FSHR: variants seen among roughly 807,000 people sequenced by gnomAD.
FSHR encodes follicle stimulating hormone receptor.
A neutral mutation model predicts 52.1 loss-of-function variants in FSHR; 46 were observed. The ratio of observed to expected loss-of-function variants is 0.88; its 90% confidence interval spans 0.70 to 1.13. The LOEUF (loss-of-function observed/expected upper bound fraction) is 1.13. Ranked by LOEUF, FSHR falls within the 50% of genes most tolerant of loss-of-function variation. The probability of loss-of-function intolerance (pLI) is 0.00; values close to 1 mark genes in which losing one functional copy is unlikely to be tolerated. For synonymous variants in FSHR, 399 were observed against 309.6 expected, an observed-to-expected ratio of 1.29 and a Z score of -3.03; for missense variants, 964 against 834.6, an observed-to-expected ratio of 1.16 and a Z score of -1.91.
intron 1 of FSHR, among the ~76,000 whole-genome samples, chr2:49,074,966 A>G (rs1342417726): frequency 6.6e-6 from 1 of 152,140 alleles, no homozygotes; most frequent in Non-Finnish European, 1.5e-5. Context: ...ATTATCACTA[A>G]TATATGGAAG....
chr2:48,965,027 T>C lies in FSHR; in HGVS notation c.855-1061A>G, dbSNP rs919902440. On this transcript the variant is annotated intron_variant, in intron 9 of 9. Transcript: ENST00000406846. ...AAAAAAAATTGTACATACACATGCA[T>C]ACCTTTCCCTCCTTCCCCAAGGGGC... is the stretch of plus-strand genomic sequence containing the variant. Among the ~76,000 whole-genome samples, 4 of 152,004 alleles carry C rather than the reference T, an allele frequency of 2.6e-5. No individual in the cohort carries two copies. The East Asian group carries it at 7.7e-4, about 29-fold the overall frequency.
intron 4 of FSHR, among the ~76,000 whole-genome samples, chr2:49,006,633 C>T (rs1198600318): frequency 6.6e-6 from 1 of 152,144 alleles, no homozygotes; most frequent in Non-Finnish European, 1.5e-5. Context: ...AAGCCCACAA[C>T]AAGCTTTCCC....
chr2:49,031,523 G>A (rs1668102632), intron 2 of FSHR, among the ~76,000 whole-genome samples: 1 of 152,122 alleles, frequency 6.6e-6, no homozygotes. Context: ...TAATTACATG[G>A]CTAATTAATA....
At chr2:49,075,565 G>A (rs947843015) in intron 1 of FSHR, among the ~76,000 whole-genome samples, 5 of 152,004 alleles carry the variant, frequency 3.3e-5, no homozygotes, top group Non-Finnish European at 5.9e-5. Flanking sequence ...TTAGAGGCAT[G>A]AAAGATGGCA....
Position 49,073,809 on chromosome 2 carries a change from C to A in FSHR, c.153-5519G>T, listed in dbSNP as rs1175083004. Among the ~76,000 whole-genome samples, 4 of 151,946 alleles carry A rather than the reference C, an allele frequency of 2.6e-5. No individual in the cohort carries two copies. The South Asian group carries it at 6.2e-4, about 24-fold the overall frequency. ...AAATATACTACAAAGCTATAGTAAC[C>A]AAAACAACAAGGTATTGGCATGAAA... is the stretch of plus-strand genomic sequence containing the variant. On this transcript the variant is annotated intron_variant, in intron 1 of 9. Transcript: ENST00000406846.
At chr2:48,979,928 C>T (rs2300438) in intron 8 of FSHR, among the ~76,000 whole-genome samples, 17,479 of 152,154 alleles carry the variant, frequency 0.11, 1,254 homozygotes, top group East Asian at 0.28. Context: ...CTACTCTTAC[C>T]TCTTAACTCA....
chr2:49,123,137 A>T (rs775361484), intron 1 of FSHR, among the ~76,000 whole-genome samples: 12 of 152,138 alleles, frequency 7.9e-5, no homozygotes, highest in Non-Finnish European at 1.3e-4. Context: ...TATTTTCCCT[A>T]TCAGGTCTAT....
intron 4 of FSHR, among the ~76,000 whole-genome samples, chr2:49,007,761 T>C (rs1302371511): frequency 6.6e-6 from 1 of 152,102 alleles, no homozygotes; most frequent in East Asian, 1.9e-4. Context: ...ATCATCATGA[T>C]CATCATCAAA....
chr2:49,131,549 A>G (rs1408755413), intron 1 of FSHR, among the ~76,000 whole-genome samples: 2 of 152,164 alleles, frequency 1.3e-5, no homozygotes, highest in Non-Finnish European at 2.9e-5. Flanking sequence ...TTACGTCACT[A>G]AGTTTCTCTG....
chr2:49,070,420 C>A lies in FSHR; in HGVS notation c.153-2130G>T, dbSNP rs185072998. ...CCCTACCTTAATTGTACTCACTTAA[C>A]CTTAGTTAATACATACAAGTTCCTT... On this transcript the variant is annotated intron_variant, in intron 1 of 9. Coordinates refer to ENST00000406846, the MANE Select transcript of FSHR (RefSeq NM_000145.4). Among the ~76,000 whole-genome samples the A allele has an allele frequency of 2.1e-3, 319 of 152,190 alleles. 1 individual carries two copies. Among genetic ancestry groups the A allele is most frequent in the Middle Eastern group, 0.02 (6 of 294 alleles).
At chr2:49,077,197 T>G (rs538412160) in intron 1 of FSHR, among the ~76,000 whole-genome samples, 1 of 152,364 alleles carries the variant, frequency 6.6e-6, no homozygotes, top group African/African-American at 2.4e-5. Flanking sequence ...TCCAGGTGTT[T>G]CCATACATCT....
chr2:49,026,128 A>G (rs1667903931), intron 2 of FSHR, among the ~76,000 whole-genome samples: 1 of 152,186 alleles, frequency 6.6e-6, no homozygotes, highest in Admixed American at 6.5e-5. Flanking sequence ...GAGTCATCCT[A>G]CAGATATCCC....
chr2:49,014,366 C>G (rs558120461), intron 4 of FSHR, among the ~76,000 whole-genome samples: 1 of 152,100 alleles, frequency 6.6e-6, no homozygotes, highest in African/African-American at 2.4e-5. Context: ...CTGAGGACTA[C>G]TCAACACCCC....
intron 1 of FSHR, among the ~76,000 whole-genome samples, chr2:49,122,563 T>C (rs1671856341): frequency 6.6e-6 from 1 of 152,214 alleles, no homozygotes; most frequent in African/African-American, 2.4e-5. Context: ...GTATACCTCA[T>C]GACTAACCAT....
chr2:48,983,437 C>G (rs1475077348), intron 6 of FSHR, among the ~76,000 whole-genome samples: 1 of 152,136 alleles, frequency 6.6e-6, no homozygotes, highest in Non-Finnish European at 1.5e-5. Flanking sequence ...GGCAGAGCAG[C>G]CTGGATTCTA....
intron 2 of FSHR, among the ~76,000 whole-genome samples, chr2:49,064,027 A>C (rs1161215309): frequency 1.3e-5 from 2 of 151,516 alleles, no homozygotes; most frequent in Non-Finnish European, 2.9e-5. Context: ...AAAACTGTGG[A>C]ACAAGAACAA....
chr2:49,019,369 A>G (rs1048771185), intron 3 of FSHR, among the ~76,000 whole-genome samples: 1 of 152,224 alleles, frequency 6.6e-6, no homozygotes, highest in Non-Finnish European at 1.5e-5. Context: ...CAGTCTCTAA[A>G]GTCTCTTCTG....
intron 1 of FSHR, among the ~76,000 whole-genome samples, chr2:49,078,618 A>T (rs1670042738): frequency 7.0e-6 from 1 of 142,006 alleles, no homozygotes. Context: ...TCATATAAAT[A>T]AATTAAAAGA....
intron 1 of FSHR, among the ~76,000 whole-genome samples, chr2:49,076,141 C>G (rs953888000): frequency 2.0e-5 from 3 of 152,086 alleles, no homozygotes; most frequent in African/African-American, 7.2e-5. Context: ...TTCAAAGGAA[C>G]AAAAAATCCC....
Sources: allele counts gnomAD v4.1 joint callset (sites outside exome capture counted in the v4.1 genomes callset), GRCh38; gene constraint gnomAD v4.1.1; transcripts MANE v1.5; gene names NCBI Gene and HGNC (gene_info 2026-07-23, HGNC 2026-07-21).